Variants in TMEM132B observed in about 807,000 individuals in gnomAD.
TMEM132B encodes transmembrane protein 132B.
A neutral mutation model predicts 90.8 loss-of-function variants in TMEM132B; 18 were observed. The observed-to-expected ratio is 0.20, with a 90% CI of 0.14 to 0.29. The LOEUF is 0.29. TMEM132B is among the 10% of genes least tolerant of loss of function. TMEM132B has a pLI of 1.00. For missense variants in TMEM132B, 1,096 were observed against 1,326.8 expected, an observed-to-expected ratio of 0.83 and a Z score of 2.70; for synonymous variants, 504 against 523.3, an observed-to-expected ratio of 0.96 and a Z score of 0.50.
intron 1 of TMEM132B, among the ~76,000 whole-genome samples, chr12:125,275,392 T>C (rs1874961456): frequency 1.3e-5 from 2 of 152,220 alleles, no homozygotes. Flanking sequence ...GTAGCACCCA[T>C]TATGTGTCAG....
Position 125,349,773 on chromosome 12 carries a change from T to C in TMEM132B, c.389T>C (p.Leu130Pro). The change falls in exon 2 of 9, where the codon CTT becomes CCT. Residue 130 changes from leucine (L) to proline (P), a missense_variant. Physicochemically the swap from Leu to Pro is moderately conservative, Grantham distance 98 (BLOSUM62 -3). Coordinates refer to ENST00000682704, the MANE Select transcript of TMEM132B (RefSeq NM_001366854.1). The surrounding 1 kb of genome is among the most constrained non-coding windows in gnomAD (Gnocchi z 4.1). ...PFNWKLKSHI[L>P]DSSIYSNRPK... ...AACTGGAAATTGAAATCCCACATCC[T>C]TGACAGCTCCATCTACTCCAACAGA... The C allele has an allele frequency of 6.2e-7, 1 of 1,614,222 alleles. No individual in the cohort carries two copies. The highest frequency in any genetic ancestry group is 8.5e-7 in the Non-Finnish European group (1 of 1,180,034).
At chr12:125,526,491 C>T (rs1883466853) in intron 4 of TMEM132B, among the ~76,000 whole-genome samples, 1 of 152,316 alleles carries the variant, frequency 6.6e-6, no homozygotes, top group Non-Finnish European at 1.5e-5. Flanking sequence ...TTACCTGTGA[C>T]AGCCATGGAC....
chr12:125,560,195 G>C (rs554659226), intron 4 of TMEM132B, among the ~76,000 whole-genome samples: 1 of 152,294 alleles, frequency 6.6e-6, no homozygotes, highest in East Asian at 1.9e-4. Flanking sequence ...GGAATGCCAG[G>C]TGCTGATTGC....
At chr12:125,573,971 A>G (rs1472369605) in intron 4 of TMEM132B, among the ~76,000 whole-genome samples, 1 of 152,200 alleles carries the variant, frequency 6.6e-6, no homozygotes, top group Non-Finnish European at 1.5e-5. Flanking sequence ...TCATCACGTT[A>G]TCTGTTACAT....
At chr12:125,325,227 A>G (rs1303712195) in intron 1 of TMEM132B, among the ~76,000 whole-genome samples, 1 of 152,210 alleles carries the variant, frequency 6.6e-6, no homozygotes, top group Non-Finnish European at 1.5e-5. Context: ...CACAAAACCC[A>G]GAAAAAAGCA....
Position 125,547,168 on chromosome 12 carries a change from C to T in TMEM132B, c.1293+27543C>T, listed in dbSNP as rs966463079. On this transcript the variant is annotated intron_variant, in intron 4 of 8. Coordinates refer to ENST00000682704, the MANE Select transcript of TMEM132B (RefSeq NM_001366854.1). ...GATTTGGGTGAGGACACAGCCAAAC[C>T]ATATCAGGTACTATGGTAAACATAT... Among the ~76,000 whole-genome samples, 3 of 152,294 alleles carry T rather than the reference C, an allele frequency of 2.0e-5. No homozygotes were observed. In the East Asian group the frequency reaches 5.8e-4, roughly 29 times the overall value.
chr12:125,487,448 T>G (rs1483443573), intron 3 of TMEM132B, among the ~76,000 whole-genome samples: 1 of 152,212 alleles, frequency 6.6e-6, no homozygotes, highest in Non-Finnish European at 1.5e-5. Flanking sequence ...TGGATGGAGT[T>G]TCTGAGCCAC....
At chr12:125,605,188 G>T (rs143084527) in intron 5 of TMEM132B, among the ~76,000 whole-genome samples, 1 of 152,280 alleles carries the variant, frequency 6.6e-6, no homozygotes, top group South Asian at 2.1e-4. Context: ...GTCTTCCCAC[G>T]TTGAGATAAT....
At chr12:125,203,283 G>A (rs1195462055) in intron 1 of TMEM132B, among the ~76,000 whole-genome samples, 8 of 151,972 alleles carry the variant, frequency 5.3e-5, no homozygotes, top group African/African-American at 1.2e-4. Context: ...TATCTCTATC[G>A]ACTGCACCTG....
intron 3 of TMEM132B, among the ~76,000 whole-genome samples, chr12:125,513,925 G>T (rs60427440): frequency 0.04 from 6,146 of 152,196 alleles, 178 homozygotes; most frequent in South Asian, 0.13. Flanking sequence ...TAGTAAGACA[G>T]GAGTCTCATC....
In TMEM132B at chr12:125,654,278, G is replaced by A. The variant is rs1487751554; in HGVS notation, c.2820G>A (p.Glu940=). Residue 940 remains glutamate, a synonymous_variant, in exon 9 of 9, where the codon GAG becomes GAA. Transcript: ENST00000682704. This position sits in a 1 kb window ranked among gnomAD's most constrained non-coding sequence, Gnocchi z 5.8. ...KYRHKRFAVS[E]QGNIPHSHDW... is the part of the protein sequence containing the mutation. ...GACACAAAAGGTTTGCTGTGAGTGAGCAGGGCAACATCCCCCATTCCCACG... is the reference window on the plus strand; with the variant it reads ...GACACAAAAGGTTTGCTGTGAGTGAACAGGGCAACATCCCCCATTCCCACG... The A allele has an allele frequency of 1.5e-5, 24 of 1,613,688 alleles. No homozygotes were observed. The highest frequency in any genetic ancestry group is 1.5e-5 in the Non-Finnish European group (18 of 1,180,046).
intron 5 of TMEM132B, among the ~76,000 whole-genome samples, chr12:125,637,361 A>G (rs949185672): frequency 6.6e-6 from 1 of 152,222 alleles, no homozygotes; most frequent in Non-Finnish European, 1.5e-5. Context: ...AACCCTGAAT[A>G]TCTGAGACAA....
chr12:125,254,682 CTT>C (rs71447039), intron 1 of TMEM132B, among the ~76,000 whole-genome samples: 11 of 132,314 alleles, frequency 8.3e-5, no homozygotes, highest in African/African-American at 1.4e-4. Flanking sequence ...CCTCTTCCTA[CTT>C]TTTTTTTTTT....
intron 1 of TMEM132B, among the ~76,000 whole-genome samples, chr12:125,346,609 T>C (rs368308296): frequency 3.3e-5 from 5 of 152,350 alleles, no homozygotes; most frequent in African/African-American, 9.6e-5. Context: ...GGAGAGGTGC[T>C]TCTGCATTGC....
At chr12:125,634,834 T>G (rs1160269227) in intron 5 of TMEM132B, among the ~76,000 whole-genome samples, 1 of 152,146 alleles carries the variant, frequency 6.6e-6, no homozygotes, top group Non-Finnish European at 1.5e-5. Flanking sequence ...CCTTCTCTCC[T>G]CAAGTGGAGG....
intron 2 of TMEM132B, among the ~76,000 whole-genome samples, chr12:125,370,149 G>C (rs563245728): frequency 1.3e-5 from 2 of 152,210 alleles, no homozygotes; most frequent in Non-Finnish European, 2.9e-5. Context: ...TGTGGCTTAA[G>C]ATCGGCTGCA....
intron 3 of TMEM132B, among the ~76,000 whole-genome samples, chr12:125,494,456 TC>T (rs1566053471): frequency 1.4e-5 from 1 of 73,328 alleles, no homozygotes; most frequent in Non-Finnish European, 2.6e-5. Flanking sequence ...CTCCCCCTCC[TC>T]CCCAAAAATG....
intron 1 of TMEM132B, among the ~76,000 whole-genome samples, chr12:125,292,505 C>A (rs771857058): frequency 6.6e-6 from 1 of 152,170 alleles, no homozygotes; most frequent in Non-Finnish European, 1.5e-5. Flanking sequence ...AGCTACAAAT[C>A]TTCTGTTTGC....
rs573186568 is a variant in TMEM132B, at chr12:125,613,194, AT to A, written c.1437+29203del. Among the ~76,000 whole-genome samples the A allele has an allele frequency of 1.2e-3, 145 of 121,326 alleles. 2 individuals carry two copies. The highest frequency in any genetic ancestry group is 3.7e-3 in the African/African-American group (117 of 31,612). The allele number at this position is 121,326 out of a possible 152,430, so 79.6% of individuals were successfully genotyped here. On this transcript the variant is annotated intron_variant, in intron 5 of 8. Coordinates refer to ENST00000682704, the MANE Select transcript of TMEM132B (RefSeq NM_001366854.1). ...TTATATATAAATATATATCATATAT[AT>A]TTATATATATATTATACACCCACTA...
Sources: gnomAD v4.1 joint callset for allele counts (sites outside exome capture counted in the v4.1 genomes callset) on GRCh38, gnomAD v4.1.1 for gene constraint, Gnocchi (gnomAD v3.1) non-coding constraint, MANE v1.5 for transcripts, NCBI Gene and HGNC (gene_info 2026-07-23, HGNC 2026-07-21) for gene names.